FBXL17: variants seen among roughly 807,000 people sequenced by gnomAD.
FBXL17 encodes F-box and leucine rich repeat protein 17, also known as F-box/LRR-repeat protein 17.
In FBXL17, 22 loss-of-function variants were observed where a neutral mutation model predicts 66.2. That is an observed-to-expected ratio of 0.33 (90% confidence interval 0.24 to 0.47). The LOEUF is 0.47. FBXL17 is among the 20% of genes least tolerant of loss of function. FBXL17 has a pLI of 1.00. For synonymous variants in FBXL17, 474 were observed against 400.5 expected (o/e 1.18, Z -2.19); for missense variants, 878 against 948.2 (o/e 0.93, Z 0.97).
intron 3 of FBXL17, among the ~76,000 whole-genome samples, chr5:108,356,631 G>C (rs1748006399): frequency 6.6e-6 from 1 of 151,982 alleles, no homozygotes; most frequent in South Asian, 2.1e-4. Flanking sequence ...AGTTTACAAA[G>C]ACAATAAAAA....
chr5:107,991,033 C>T (rs550401537), intron 7 of FBXL17, among the ~76,000 whole-genome samples: 1 of 152,250 alleles, frequency 6.6e-6, no homozygotes, highest in South Asian at 2.1e-4. Context: ...CAGACATAAA[C>T]GCAGAGGCTC....
chr5:108,167,330 A>T (rs1334407705), intron 6 of FBXL17, among the ~76,000 whole-genome samples: 3 of 152,206 alleles, frequency 2.0e-5, no homozygotes, highest in African/African-American at 7.2e-5. Flanking sequence ...GCACCACCCA[A>T]GCCACCATTC....
intron 6 of FBXL17, among the ~76,000 whole-genome samples, chr5:108,118,628 T>C (rs1750358152): frequency 6.6e-6 from 1 of 152,188 alleles, no homozygotes; most frequent in Admixed American, 6.5e-5. Flanking sequence ...TGTAGTCCAT[T>C]GTATGCAGGT....
intron 7 of FBXL17, among the ~76,000 whole-genome samples, chr5:107,968,426 G>A (rs1423156076): frequency 6.6e-6 from 1 of 151,996 alleles, no homozygotes; most frequent in Admixed American, 6.6e-5. Flanking sequence ...GTGAGGGCAG[G>A]GCAATTTCTT....
At chr5:108,029,074 C>T (rs944439980) in intron 6 of FBXL17, among the ~76,000 whole-genome samples, 3 of 152,096 alleles carry the variant, frequency 2.0e-5, no homozygotes, top group Admixed American at 2.0e-4. Context: ...AGGAAGCCTG[C>T]ACTTTGTCAT....
At chr5:108,171,230 T>C (rs1159951120) in intron 6 of FBXL17, among the ~76,000 whole-genome samples, 2 of 152,194 alleles carry the variant, frequency 1.3e-5, no homozygotes, top group African/African-American at 4.8e-5. Flanking sequence ...TATTGTAATG[T>C]TATTAGCTAG....
At chr5:108,139,152 C>T (rs551571798) in intron 6 of FBXL17, among the ~76,000 whole-genome samples, 14 of 152,116 alleles carry the variant, frequency 9.2e-5, no homozygotes, top group African/African-American at 2.7e-4. Context: ...TGTGTTTGCA[C>T]GCTCACCATA....
chr5:108,328,850 TCTAA>T (rs3064587), intron 4 of FBXL17, among the ~76,000 whole-genome samples: 2,508 of 152,186 alleles, frequency 0.016, 61 homozygotes, highest in African/African-American at 0.054. Flanking sequence ...GAAGAGATAC[TCTAA>T]CTAATCATTT....
intron 6 of FBXL17, among the ~76,000 whole-genome samples, chr5:108,095,070 C>T (rs1749320066): frequency 6.6e-6 from 1 of 151,946 alleles, no homozygotes; most frequent in Non-Finnish European, 1.5e-5. Flanking sequence ...ATAAGTGAGT[C>T]CTCTTAAAAA....
intron 6 of FBXL17, among the ~76,000 whole-genome samples, chr5:108,159,474 C>T (rs541470914): frequency 3.9e-5 from 6 of 152,220 alleles, no homozygotes; most frequent in African/African-American, 1.4e-4. Context: ...GAGGCAGCGT[C>T]CTTCTGAATG....
At chr5:108,189,169 G>C (rs1313230249) in intron 5 of FBXL17, among the ~76,000 whole-genome samples, 1 of 152,110 alleles carries the variant, frequency 6.6e-6, no homozygotes, top group African/African-American at 2.4e-5. Context: ...ACCAGACATG[G>C]CTTAGCTGTG....
At chr5:108,064,864 C>T (rs551667272) in intron 6 of FBXL17, among the ~76,000 whole-genome samples, 19 of 152,224 alleles carry the variant, frequency 1.2e-4, no homozygotes, top group Admixed American at 2.0e-4. Context: ...TCATCTGGGA[C>T]GGCCTTCCTG....
chr5:107,967,955 T>G (rs1362336337), intron 7 of FBXL17, among the ~76,000 whole-genome samples: 1 of 152,178 alleles, frequency 6.6e-6, no homozygotes, highest in Admixed American at 6.6e-5. Flanking sequence ...AGGGTGGTAT[T>G]GAAAATAGCA....
intron 4 of FBXL17, among the ~76,000 whole-genome samples, chr5:108,237,278 A>G (rs1755649447): frequency 6.6e-6 from 1 of 152,222 alleles, no homozygotes; most frequent in African/African-American, 2.4e-5. Context: ...CTGATGCTGT[A>G]TGAAGATGAG....
chr5:108,016,232 G>C (rs767546538), intron 7 of FBXL17, among the ~76,000 whole-genome samples: 66 of 152,218 alleles, frequency 4.3e-4, no homozygotes, highest in Middle Eastern at 6.8e-3. Context: ...AAAAGTCCCA[G>C]ATCAGTACTG....
intron 4 of FBXL17, among the ~76,000 whole-genome samples, chr5:108,270,145 G>A (rs966736148): frequency 1.6e-4 from 25 of 152,004 alleles, no homozygotes; most frequent in Non-Finnish European, 1.8e-4. Flanking sequence ...CCCAGGAGAG[G>A]TAAAAAGTAC....
At chr5:107,994,961 T>C (rs1354681218) in intron 7 of FBXL17, among the ~76,000 whole-genome samples, 3 of 152,178 alleles carry the variant, frequency 2.0e-5, no homozygotes, top group African/African-American at 7.2e-5. Flanking sequence ...AAAGTAATGA[T>C]ACTGGTTACC....
At chr5:108,323,756 A>G (rs1759727779) in intron 4 of FBXL17, among the ~76,000 whole-genome samples, 1 of 152,058 alleles carries the variant, frequency 6.6e-6, no homozygotes, top group African/African-American at 2.4e-5. Flanking sequence ...ACATAGACCA[A>G]ATGAAACAAT....
chr5:108,296,157 A>G (rs1758341871), intron 4 of FBXL17, among the ~76,000 whole-genome samples: 1 of 151,782 alleles, frequency 6.6e-6, no homozygotes, highest in Non-Finnish European at 1.5e-5. Context: ...CTTAGACACT[A>G]AATTTTTAGG....
Sources: allele counts gnomAD v4.1 joint callset (sites outside exome capture counted in the v4.1 genomes callset), GRCh38; gene constraint gnomAD v4.1.1; transcripts MANE v1.5; gene names NCBI Gene and HGNC (gene_info 2026-07-23, HGNC 2026-07-21).